Variants in EPB41L2 observed in about 807,000 individuals in gnomAD.
EPB41L2 encodes erythrocyte membrane protein band 4.1 like 2.
In EPB41L2, 43 loss-of-function variants were observed where a neutral mutation model predicts 113.0. That is an observed-to-expected ratio of 0.38 (90% CI 0.30 to 0.49). EPB41L2 has a LOEUF of 0.49. Ranked by LOEUF, EPB41L2 falls within the 20% of genes least tolerant of loss-of-function variation. EPB41L2 has a pLI of 0.95. For synonymous variants in EPB41L2, 442 were observed against 436.7 expected (o/e 1.01, Z -0.15); for missense variants, 1,147 against 1,223.4 (o/e 0.94, Z 0.93).
At chr6:130,980,701 C>T (rs547665814) in intron 1 of EPB41L2, among the ~76,000 whole-genome samples, 21 of 152,218 alleles carry the variant, frequency 1.4e-4, no homozygotes, top group African/African-American at 5.1e-4. Context: ...GCTAGGTAAT[C>T]AAACTAAACT....
At chr6:130,861,752 A>T (rs1452599918) in intron 18 of EPB41L2, among the ~76,000 whole-genome samples, 1 of 151,788 alleles carries the variant, frequency 6.6e-6, no homozygotes, top group Non-Finnish European at 1.5e-5. Flanking sequence ...GGTGCCTATA[A>T]TCCCAGCTAC....
intron 3 of EPB41L2, among the ~76,000 whole-genome samples, chr6:130,947,566 G>T (rs1224283655): frequency 6.6e-6 from 1 of 152,104 alleles, no homozygotes; most frequent in Non-Finnish European, 1.5e-5. Context: ...AATAGCTACA[G>T]TTTCCCATAT....
At chr6:130,876,660 T>C in intron 14 of EPB41L2, 1 of 1,289,296 alleles carries the variant, frequency 7.8e-7, no homozygotes, top group Non-Finnish European at 1.0e-6. Context: ...GATCCAAGGG[T>C]GCAAGGTGAA....
At chr6:131,030,741 CCTCT>C (rs1376339688) in intron 1 of EPB41L2, among the ~76,000 whole-genome samples, 51 of 152,172 alleles carry the variant, frequency 3.4e-4, no homozygotes, top group Middle Eastern at 3.4e-3. Context: ...TAATTGCGGT[CCTCT>C]GCCTAGAGGT....
intron 3 of EPB41L2, among the ~76,000 whole-genome samples, chr6:130,943,509 G>A (rs973289873): frequency 6.6e-6 from 1 of 152,216 alleles, no homozygotes; most frequent in African/African-American, 2.4e-5. Context: ...AAATCACCAA[G>A]GAGTTGGCAT....
At chr6:130,898,728 G>A (rs1795388489) in intron 8 of EPB41L2, among the ~76,000 whole-genome samples, 1 of 152,086 alleles carries the variant, frequency 6.6e-6, no homozygotes, top group Non-Finnish European at 1.5e-5. Flanking sequence ...TGTTACTACT[G>A]CCTAATTTAT....
rs536582466 is a variant in EPB41L2, at chr6:130,978,980, T to C, written c.-14-22481A>G. ...CACAGAATCATGAAAGATAAATGCA[T>C]TGTAGAGAACACTGAGAACTTCAAG... On this transcript the variant is annotated intron_variant, in intron 1 of 19. Transcript: ENST00000337057. 1.1e-4 allele frequency among the ~76,000 whole-genome samples: 16 copies of C among 152,172 alleles called. 1 individual carries two copies. Among genetic ancestry groups the C allele is most frequent in the African/African-American group, 3.9e-4 (16 of 41,526 alleles).
intron 4 of EPB41L2, among the ~76,000 whole-genome samples, chr6:130,911,719 A>G (rs910251701): frequency 2.0e-5 from 3 of 152,182 alleles, no homozygotes; most frequent in Admixed American, 1.3e-4. Flanking sequence ...GCTACAAGCA[A>G]AAGTCCAATA....
chr6:131,023,147 A>G (rs1021005415), intron 1 of EPB41L2, among the ~76,000 whole-genome samples: 1 of 152,244 alleles, frequency 6.6e-6, no homozygotes, highest in South Asian at 2.1e-4. Context: ...AAAATAATGC[A>G]AAGTATTCCT....
intron 10 of EPB41L2, among the ~76,000 whole-genome samples, chr6:130,893,544 C>T (rs1338144519): frequency 6.6e-6 from 1 of 152,172 alleles, no homozygotes; most frequent in Non-Finnish European, 1.5e-5. Context: ...AGACAAATTG[C>T]TTGCCTAGCA....
At chr6:131,016,703 G>A (rs141472320) in intron 1 of EPB41L2, among the ~76,000 whole-genome samples, 29 of 152,160 alleles carry the variant, frequency 1.9e-4, no homozygotes, top group African/African-American at 4.3e-4. Context: ...CCAGCTACTC[G>A]GGAGGCTGAG....
chr6:131,055,537 C>A (rs193119956), intron 1 of EPB41L2, among the ~76,000 whole-genome samples: 1 of 152,258 alleles, frequency 6.6e-6, no homozygotes, highest in South Asian at 2.1e-4. Flanking sequence ...GGAAAGCAAT[C>A]CTGTCTTTTA....
chr6:130,916,262 T>C (rs1468310618), intron 4 of EPB41L2, among the ~76,000 whole-genome samples: 1 of 152,228 alleles, frequency 6.6e-6, no homozygotes, highest in African/African-American at 2.4e-5. Flanking sequence ...AAAATCTTTC[T>C]ATTAGTTAAT....
chr6:131,036,579 C>G (rs1793358368), intron 1 of EPB41L2, among the ~76,000 whole-genome samples: 1 of 152,274 alleles, frequency 6.6e-6, no homozygotes, highest in Admixed American at 6.5e-5. Context: ...GTTCTTGCCT[C>G]AAGTTTTTAA....
rs187409364 is a variant in EPB41L2, at chr6:130,949,380, T to C, written c.705+5725A>G. Among the ~76,000 whole-genome samples, 479 of 152,192 alleles carry C rather than the reference T, an allele frequency of 3.1e-3. 18 individuals carry two copies. The highest frequency in any genetic ancestry group is 0.03 in the Admixed American group (461 of 15,282). ...ACCTTGGGAGGCCAAGGAGGGAGAA[T>C]TGCTTGAGCCCAGTAATTGAGACCT... On this transcript the variant is annotated intron_variant, in intron 3 of 19. Transcript: ENST00000337057.
chr6:131,024,279 T>C (rs936020726), intron 1 of EPB41L2, among the ~76,000 whole-genome samples: 2 of 152,152 alleles, frequency 1.3e-5, no homozygotes. Context: ...CAATATGGCA[T>C]GCTGAAGAAG....
intron 1 of EPB41L2, among the ~76,000 whole-genome samples, chr6:131,043,878 GA>G (rs1368922787): frequency 3.3e-5 from 5 of 152,184 alleles, no homozygotes; most frequent in African/African-American, 1.2e-4. Flanking sequence ...AATATAGTAA[GA>G]AGTGAAGTGA....
At chr6:130,888,217 A>G (rs576884748) in intron 11 of EPB41L2, among the ~76,000 whole-genome samples, 1 of 152,282 alleles carries the variant, frequency 6.6e-6, no homozygotes, top group Admixed American at 6.5e-5. Flanking sequence ...GAAAAAACGG[A>G]GAATATAAGC....
At position 131,045,608 on chromosome 6, in the gene EPB41L2, CA is replaced by C. The variant is rs1333771348; in HGVS notation, c.-15+17546del. 2.0e-5 allele frequency among the ~76,000 whole-genome samples: 3 copies of C among 152,010 alleles called. No homozygotes were observed. In the East Asian group the frequency reaches 5.8e-4, roughly 29 times the overall value. ...CAGAAGGAAAAGGAGAACAAAGAGC[CA>C]AAACATGTCAGGAGAGACTCAAAGA... On this transcript the variant is annotated intron_variant, in intron 1 of 19. Coordinates refer to ENST00000337057, the MANE Select transcript of EPB41L2 (RefSeq NM_001431.4).
Sources: allele counts gnomAD v4.1 joint callset (sites outside exome capture counted in the v4.1 genomes callset), GRCh38; gene constraint gnomAD v4.1.1; transcripts MANE v1.5; gene names NCBI Gene and HGNC (gene_info 2026-07-23, HGNC 2026-07-21).